Variants in CDH4 observed in about 807,000 individuals in gnomAD.
CDH4 encodes the protein cadherin-4.
In CDH4, 33 loss-of-function variants were observed where a neutral mutation model predicts 86.0. The ratio of observed to expected loss-of-function variants is 0.38; its 90% CI spans 0.29 to 0.51. The LOEUF is 0.51. Among genes scored for constraint, CDH4 ranks in the 20% least tolerant of loss-of-function variants. CDH4 has a pLI of 0.86. For missense variants in CDH4, 1,114 were observed against 1,307.4 expected, an observed-to-expected ratio of 0.85 and a Z score of 2.28; for synonymous variants, 555 against 549.4, an observed-to-expected ratio of 1.01 and a Z score of -0.14.
intron 2 of CDH4, among the ~76,000 whole-genome samples, chr20:61,479,417 G>A (rs900215018): frequency 2.1e-5 from 3 of 142,728 alleles, no homozygotes; most frequent in Non-Finnish European, 4.5e-5. Flanking sequence ...TGTTCTCATT[G>A]TTCAATTCCC....
Position 61,516,335 on chromosome 20 carries a change from CT to C in CDH4, c.170-227227del, listed in dbSNP as rs1271270302. ...ATCCCGTCTATTAATGCCATGGTCC[CT>C]GAGCAGTCATGGGACCAACATCTGT... On this transcript the variant is annotated intron_variant, in intron 2 of 15. Transcript: ENST00000614565. The surrounding 1 kb of genome is among the most constrained non-coding windows in gnomAD (Gnocchi z 4.0). Among the ~76,000 whole-genome samples, 1 of 152,186 alleles carries C rather than the reference CT, an allele frequency of 6.6e-6. No individual in the cohort carries two copies. Among genetic ancestry groups the C allele is most frequent in the Admixed American group, 6.5e-5 (1 of 15,288 alleles).
In CDH4 at chr20:61,257,771, G is replaced by A. The variant is rs201926910; in HGVS notation, c.169+2834G>A. On this transcript the variant is annotated intron_variant, in intron 2 of 15. Transcript: ENST00000614565. The stretch of plus-strand genomic sequence containing the variant: ...TTTGTTAATAATTAATGGCCAGCCC[G>A]CCCGGAAGCTGCAGCCTGGTACGGT... Among the ~76,000 whole-genome samples the A allele has an allele frequency of 5.0e-4, 76 of 152,340 alleles. 1 individual carries two copies. Among genetic ancestry groups the A allele is most frequent in the East Asian group, 2.3e-3 (12 of 5,178 alleles).
chr20:61,440,729 G>A (rs2085310263), intron 2 of CDH4, among the ~76,000 whole-genome samples: 1 of 152,204 alleles, frequency 6.6e-6, no homozygotes, highest in Non-Finnish European at 1.5e-5. Context: ...TTCTCGGCCC[G>A]TGGCGGGCGC....
chr20:61,852,670 C>A (rs1982779192), intron 5 of CDH4, 84 bp from the exon 6 acceptor site: 1 of 1,456,554 alleles, frequency 6.9e-7, no homozygotes, highest in East Asian at 2.5e-5. Flanking sequence ...CAGTCTCCTA[C>A]CCCAGCACCG....
chr20:61,782,176 G>A (rs1161405857), intron 4 of CDH4, among the ~76,000 whole-genome samples: 1 of 152,162 alleles, frequency 6.6e-6, no homozygotes, highest in Non-Finnish European at 1.5e-5. Flanking sequence ...GGGTGTGGTG[G>A]CACATGCCTA....
At chr20:61,411,216 G>A (rs7262285) in intron 2 of CDH4, among the ~76,000 whole-genome samples, 36,800 of 151,012 alleles carry the variant, frequency 0.24, 10,888 homozygotes, top group African/African-American at 0.71. Context: ...CTGCTTTCAC[G>A]GGTCTAATGT....
chr20:61,418,315 A>G (rs947699385), intron 2 of CDH4, among the ~76,000 whole-genome samples: 1 of 148,460 alleles, frequency 6.7e-6, no homozygotes, highest in African/African-American at 2.5e-5. Context: ...GGTTCACACC[A>G]TTCTCCTGCC....
intron 4 of CDH4, among the ~76,000 whole-genome samples, chr20:61,804,515 C>T (rs767884295): frequency 1.3e-5 from 2 of 152,184 alleles, no homozygotes; most frequent in South Asian, 2.1e-4. Context: ...TGAGCCACAC[C>T]GAAAGCACTC....
Position 61,496,353 on chromosome 20 carries a change from G to A in CDH4, c.169+241416G>A, listed in dbSNP as rs546686678. Among the ~76,000 whole-genome samples the A allele has an allele frequency of 5.1e-4, 78 of 151,478 alleles. 1 individual carries two copies. Among genetic ancestry groups the A allele is most frequent in the African/African-American group, 1.8e-3 (76 of 41,204 alleles). ...GAGGAAGTTGAGGCTGCAGTGAGCC[G>A]ATCACGCCACTGCACTCCAGCCTGG... On this transcript the variant is annotated intron_variant, in intron 2 of 15. Coordinates refer to ENST00000614565, the MANE Select transcript of CDH4 (RefSeq NM_001794.5).
intron 2 of CDH4, among the ~76,000 whole-genome samples, chr20:61,476,977 CAGAG>C (rs917335300): frequency 6.6e-5 from 10 of 152,194 alleles, no homozygotes; most frequent in African/African-American, 2.4e-4. Context: ...CCGGGAGAGA[CAGAG>C]AGGCCAGCCA....
At chr20:61,420,811 G>A (rs2085173566) in intron 2 of CDH4, among the ~76,000 whole-genome samples, 1 of 152,246 alleles carries the variant, frequency 6.6e-6, no homozygotes, top group South Asian at 2.1e-4. Flanking sequence ...TGAACAGAGT[G>A]TGGCATGTCC....
Position 61,852,789 on chromosome 20 carries a change from G to A in CDH4, c.768G>A (p.Lys256=). ...ACGCTGTGGACATGAATGGCAACAA[G>A]GTGGAGAACCCCATCGACCTGTACA... ...RAHAVDMNGN[K]VENPIDLYIY... is the part of the protein sequence containing the mutation. The change falls in exon 6 of 16, where the codon AAG becomes AAA. Residue 256 remains lysine, a synonymous_variant. Coordinates refer to ENST00000614565, the MANE Select transcript of CDH4 (RefSeq NM_001794.5). 6.2e-7 allele frequency: 1 copy of A among 1,613,880 alleles called. No homozygotes were observed. Among genetic ancestry groups the A allele is most frequent in the African/African-American group, 1.3e-5 (1 of 75,076 alleles).
At chr20:61,677,759 A>C (rs2087460251) in intron 2 of CDH4, among the ~76,000 whole-genome samples, 1 of 91,540 alleles carries the variant, frequency 1.1e-5, no homozygotes, top group Non-Finnish European at 2.2e-5. Flanking sequence ...GGATAGGTGG[A>C]TGGATGGTTA....
At chr20:61,704,272 A>G (rs1046956874) in intron 2 of CDH4, among the ~76,000 whole-genome samples, 7 of 152,024 alleles carry the variant, frequency 4.6e-5, no homozygotes, top group African/African-American at 1.7e-4. Flanking sequence ...CTCCTTCCCA[A>G]GCAGAAGTAG....
chr20:61,355,374 T>G (rs1281523728), intron 2 of CDH4, among the ~76,000 whole-genome samples: 2 of 152,148 alleles, frequency 1.3e-5, no homozygotes, highest in East Asian at 3.9e-4. Context: ...TTAAATGTCC[T>G]TGGTTCTTAG....
In CDH4 at chr20:61,671,896, A is replaced by T. The variant is rs527317782; in HGVS notation, c.170-71667A>T. Among the ~76,000 whole-genome samples, 4 of 150,388 alleles carry T rather than the reference A, an allele frequency of 2.7e-5. No homozygotes were observed. The South Asian group carries it at 8.5e-4, about 32-fold the overall frequency. On this transcript the variant is annotated intron_variant, in intron 2 of 15. Transcript: ENST00000614565. Reference sequence around the variant, plus strand: ...TGGATGGTGGATGGACAGATGGAGGATGGATGGATGGATGAGTAGGTGGAT... The same window carrying T: ...TGGATGGTGGATGGACAGATGGAGGTTGGATGGATGGATGAGTAGGTGGAT...
intron 2 of CDH4, among the ~76,000 whole-genome samples, chr20:61,331,640 C>CCCAGGTCT (rs1568801158): frequency 1.6e-3 from 28 of 17,182 alleles, no homozygotes; most frequent in East Asian, 5.2e-3. Flanking sequence ...GCCCCAGACC[C>CCCAGGTCT]ACCTCCCGCC....
At chr20:61,733,735 AAG>A (rs770181628) in intron 2 of CDH4, among the ~76,000 whole-genome samples, 33 of 152,312 alleles carry the variant, frequency 2.2e-4, no homozygotes, top group South Asian at 1.2e-3. Context: ...AAGAAAAGAA[AAG>A]AAAGAGCAAG....
chr20:61,576,176 G>A (rs2086381164), intron 2 of CDH4, among the ~76,000 whole-genome samples: 1 of 152,194 alleles, frequency 6.6e-6, no homozygotes, highest in Non-Finnish European at 1.5e-5. Context: ...GCTTCTCAGT[G>A]TGGGCTTTAT....
Sources: gnomAD v4.1 joint callset for allele counts (sites outside exome capture counted in the v4.1 genomes callset) on GRCh38, gnomAD v4.1.1 for gene constraint, Gnocchi (gnomAD v3.1) non-coding constraint, MANE v1.5 for transcripts, NCBI Gene and HGNC (gene_info 2026-07-23, HGNC 2026-07-21) for gene names.